The following RALGPS1 variants were observed in gnomAD, a reference collection of about 807,000 sequenced individuals.
RALGPS1 encodes ras-specific guanine nucleotide-releasing factor RalGPS1.
A neutral mutation model predicts 78.8 loss-of-function variants in RALGPS1; 19 were observed. That is an observed-to-expected ratio of 0.24 (90% CI 0.17 to 0.35). The LOEUF is 0.35. Among genes scored for constraint, RALGPS1 ranks in the 10% least tolerant of loss-of-function variants. RALGPS1 has a pLI of 1.00. For missense variants in RALGPS1, 454 were observed against 688.3 expected (o/e 0.66, Z 3.81); for synonymous variants, 228 against 256.3 (o/e 0.89, Z 1.06).
rs543828881 is a variant in RALGPS1, at chr9:127,131,336, T to C, written c.611-34733T>C. On this transcript the variant is annotated intron_variant, in intron 8 of 18. Transcript: ENST00000259351. ...AGTAAAGTAACTGAGACTCACTGCCTGGACTTGATTACATCAATATTGGGT... is the reference window on the plus strand; with the variant it reads ...AGTAAAGTAACTGAGACTCACTGCCCGGACTTGATTACATCAATATTGGGT... Among the ~76,000 whole-genome samples, 4 of 152,358 alleles carry C rather than the reference T, an allele frequency of 2.6e-5. 1 individual carries two copies. Among genetic ancestry groups the C allele is most frequent in the African/African-American group, 9.6e-5 (4 of 41,570 alleles).
chr9:126,979,239 T>TTGTG, intron 4 of RALGPS1, among the ~76,000 whole-genome samples: 1 of 92,188 alleles, frequency 1.1e-5, no homozygotes, highest in African/African-American at 3.7e-5. Context: ...TATTGTATTA[T>TTGTG]TATGTGTGTG....
chr9:127,145,154 A>G (rs1427777672), intron 8 of RALGPS1, among the ~76,000 whole-genome samples: 2 of 152,192 alleles, frequency 1.3e-5, no homozygotes, highest in East Asian at 1.9e-4. Flanking sequence ...GTTGAAATCC[A>G]CTTTGCTGGA....
intron 4 of RALGPS1, among the ~76,000 whole-genome samples, chr9:127,011,449 A>T (rs766889859): frequency 2.6e-5 from 4 of 152,140 alleles, no homozygotes; most frequent in Non-Finnish European, 5.9e-5. Context: ...TAGTGCTGGG[A>T]TTACAGGCGT....
chr9:126,937,712 C>T (rs2036393564), intron 1 of RALGPS1, among the ~76,000 whole-genome samples: 1 of 152,162 alleles, frequency 6.6e-6, no homozygotes, highest in Non-Finnish European at 1.5e-5. Context: ...GGATGTGCCC[C>T]TTCCCTTCTG....
chr9:127,187,538 TA>T (rs1347974801), intron 11 of RALGPS1, among the ~76,000 whole-genome samples: 8 of 152,236 alleles, frequency 5.3e-5, no homozygotes, highest in African/African-American at 1.9e-4. Flanking sequence ...CGCATTACAT[TA>T]GATTATAATT....
intron 1 of RALGPS1, among the ~76,000 whole-genome samples, chr9:126,923,401 G>C (rs770706769): frequency 6.6e-6 from 1 of 152,186 alleles, no homozygotes; most frequent in Non-Finnish European, 1.5e-5. Context: ...TGTGGCTTCT[G>C]ACACACTCAT....
chr9:126,949,803 A>G (rs1470417072), intron 1 of RALGPS1, among the ~76,000 whole-genome samples: 3 of 151,178 alleles, frequency 2.0e-5, no homozygotes, highest in African/African-American at 7.3e-5. Context: ...GCTGTGCAGA[A>G]GCTCTTTAGT....
chr9:127,153,086 G>A (rs1053760314), intron 8 of RALGPS1, among the ~76,000 whole-genome samples: 5 of 152,156 alleles, frequency 3.3e-5, no homozygotes, highest in African/African-American at 1.2e-4. Flanking sequence ...TGTATGTGTT[G>A]AGCTACATGT....
At chr9:127,179,122 G>C (rs1400263959) in intron 11 of RALGPS1, among the ~76,000 whole-genome samples, 1 of 152,228 alleles carries the variant, frequency 6.6e-6, no homozygotes, top group African/African-American at 2.4e-5. Flanking sequence ...GATGCTGGCA[G>C]TTTTCCACAG....
intron 17 of RALGPS1, among the ~76,000 whole-genome samples, chr9:127,213,466 G>A (rs993997826): frequency 6.6e-6 from 1 of 152,208 alleles, no homozygotes; most frequent in Non-Finnish European, 1.5e-5. Flanking sequence ...CCAACTCAGA[G>A]AAGAACCCTT....
chr9:127,147,928 A>G (rs16929617), intron 8 of RALGPS1, among the ~76,000 whole-genome samples: 7,112 of 152,258 alleles, frequency 0.047, 581 homozygotes, highest in African/African-American at 0.16. Context: ...TCTTGAAAAA[A>G]TGGAAATTAA....
intron 6 of RALGPS1, among the ~76,000 whole-genome samples, chr9:127,050,404 T>C (rs1441555934): frequency 1.3e-5 from 2 of 152,234 alleles, no homozygotes; most frequent in Admixed American, 1.3e-4. Context: ...ACCTGGGCTT[T>C]CACAGTCTCT....
chr9:127,095,157 G>A (rs1432782080), intron 8 of RALGPS1, among the ~76,000 whole-genome samples: 1 of 152,238 alleles, frequency 6.6e-6, no homozygotes, highest in African/African-American at 2.4e-5. Flanking sequence ...CCAGCACTTT[G>A]GGAGGCTGAG....
intron 1 of RALGPS1, among the ~76,000 whole-genome samples, chr9:126,932,168 T>A (rs890741098): frequency 1.3e-5 from 2 of 152,178 alleles, no homozygotes; most frequent in East Asian, 1.9e-4. Context: ...CCTGTCCTCA[T>A]CTTGAAAAGG....
intron 8 of RALGPS1, among the ~76,000 whole-genome samples, chr9:127,118,439 A>G (rs772271434): frequency 6.6e-6 from 1 of 152,262 alleles, no homozygotes. Context: ...CAAAAAAGAA[A>G]TGCTATTCAA....
At chr9:126,957,542 C>T (rs1176086239) in intron 1 of RALGPS1, among the ~76,000 whole-genome samples, 4 of 152,198 alleles carry the variant, frequency 2.6e-5, no homozygotes, top group Non-Finnish European at 5.9e-5. Flanking sequence ...GATTGAGTCA[C>T]TTTAATCCTG....
chr9:127,143,535 A>T (rs1347301320), intron 8 of RALGPS1, among the ~76,000 whole-genome samples: 1 of 152,132 alleles, frequency 6.6e-6, no homozygotes, highest in Non-Finnish European at 1.5e-5. Context: ...ATGAAGCCCT[A>T]ATGAAAGAAT....
At chr9:127,184,279 C>T in intron 11 of RALGPS1, 3 of 447,970 alleles carry the variant, frequency 6.7e-6, no homozygotes, top group Admixed American at 3.5e-5. Flanking sequence ...GTGATCGCGC[C>T]ACCGCGCTCC....
At position 127,195,322 on chromosome 9, in the gene RALGPS1, G is replaced by T. The variant is rs895464009; in HGVS notation, c.1037+105G>T. On this transcript the variant is annotated intron_variant, in intron 12 of 18. Coordinates refer to ENST00000259351, the MANE Select transcript of RALGPS1 (RefSeq NM_014636.3). ...GCTGGCTGGGTCCCTCCCCTGCCCT[G>T]TTCTGGGAGTTGCTGATGAGAGCTC... 3.5e-6 allele frequency: 5 copies of T among 1,418,818 alleles called. No individual in the cohort carries two copies. In the African/African-American group the frequency reaches 7.1e-5, roughly 20 times the overall value. 87.9% of individuals were successfully genotyped at this position (1,418,818 alleles called of 1,614,324 possible). A position where few individuals can be genotyped will look rare whatever the true frequency, so the allele number is the denominator to read the frequency against.
Sources: allele counts gnomAD v4.1 joint callset (sites outside exome capture counted in the v4.1 genomes callset), GRCh38; gene constraint gnomAD v4.1.1; transcripts MANE v1.5; gene names NCBI Gene and HGNC (gene_info 2026-07-23, HGNC 2026-07-21).